Variants in TASP1 observed in about 807,000 individuals in gnomAD.
TASP1 encodes the protein threonine aspartase 1.
A neutral mutation model predicts 56.6 loss-of-function variants in TASP1; 16 were observed. The observed-to-expected ratio is 0.28, with a 90% confidence interval of 0.19 to 0.43. The LOEUF is 0.43. TASP1 is among the 20% of genes least tolerant of loss of function. TASP1 has a pLI of 1.00. For missense variants in TASP1, 393 were observed against 511.6 expected (o/e 0.77, Z 2.24); for synonymous variants, 179 against 184.2 (o/e 0.97, Z 0.23).
intron 8 of TASP1, among the ~76,000 whole-genome samples, chr20:13,536,076 T>A (rs2045407430): frequency 6.6e-6 from 1 of 152,210 alleles, no homozygotes; most frequent in African/African-American, 2.4e-5. Flanking sequence ...GGTAGAGAAG[T>A]GTTAGTTCCC....
the TASP1 span, among the ~76,000 whole-genome samples, chr20:13,104,997 C>A: frequency 6.6e-6 from 1 of 152,062 alleles, no homozygotes; most frequent in Non-Finnish European, 1.5e-5. Flanking sequence ...CCTTAATAAG[C>A]ATCATTATTT....
intron 13 of TASP1, among the ~76,000 whole-genome samples, chr20:13,410,289 A>T (rs1050728457): frequency 6.6e-6 from 1 of 152,230 alleles, no homozygotes; most frequent in Non-Finnish European, 1.5e-5. Context: ...TGAACATGCA[A>T]GTACAGCACA....
At chr20:13,366,322 A>G in the TASP1 span, among the ~76,000 whole-genome samples, 1 of 152,200 alleles carries the variant, frequency 6.6e-6, no homozygotes, top group Non-Finnish European at 1.5e-5. Context: ...TTCAGAGGTC[A>G]GGAAGAGAAC....
At chr20:13,343,813 A>G in the TASP1 span, among the ~76,000 whole-genome samples, 1 of 152,170 alleles carries the variant, frequency 6.6e-6, no homozygotes, top group Admixed American at 6.5e-5. Context: ...ATAGAAAGAA[A>G]GACATTAGGG....
At chr20:13,553,871 C>T (rs974216274) in intron 8 of TASP1, among the ~76,000 whole-genome samples, 2 of 152,148 alleles carry the variant, frequency 1.3e-5, no homozygotes, top group African/African-American at 4.8e-5. Flanking sequence ...GACAATGTGT[C>T]TATCCTCAAG....
chr20:13,117,559 A>T, the TASP1 span: 1 of 1,612,536 alleles, frequency 6.2e-7, no homozygotes, highest in Non-Finnish European at 8.5e-7. Flanking sequence ...AAGAAGAAAT[A>T]CAAGGCTTAC....
At chr20:13,273,107 T>C in the TASP1 span, among the ~76,000 whole-genome samples, 1 of 152,306 alleles carries the variant, frequency 6.6e-6, no homozygotes, top group African/African-American at 2.4e-5. Context: ...GGCTGCTTTG[T>C]GCTTGAACCC....
chr20:13,149,696 T>C, the TASP1 span, among the ~76,000 whole-genome samples: 1 of 152,232 alleles, frequency 6.6e-6, no homozygotes, highest in Non-Finnish European at 1.5e-5. Context: ...ATTTAGTTCT[T>C]AGGAGTCAGA....
At chr20:13,521,553 GT>G (rs2044755754) in intron 10 of TASP1, among the ~76,000 whole-genome samples, 1 of 148,320 alleles carries the variant, frequency 6.7e-6, no homozygotes, top group Non-Finnish European at 1.5e-5. Context: ...AACACCGCAT[GT>G]TCTCACTCAT....
At chr20:13,621,194 T>C (rs1019901397) in intron 4 of TASP1, among the ~76,000 whole-genome samples, 5 of 151,722 alleles carry the variant, frequency 3.3e-5, no homozygotes, top group African/African-American at 1.2e-4. Flanking sequence ...GAGGCCGAGG[T>C]GGGTGGATCA....
At chr20:13,546,597 T>C (rs1178149391) in intron 8 of TASP1, among the ~76,000 whole-genome samples, 9 of 152,180 alleles carry the variant, frequency 5.9e-5, no homozygotes, top group Non-Finnish European at 1.0e-4. Context: ...ATTCTTGTGA[T>C]GAGGGTCCAT....
chr20:13,619,859 G>A (rs6042255), intron 4 of TASP1, among the ~76,000 whole-genome samples: 52,234 of 151,966 alleles, frequency 0.34, 11,490 homozygotes, highest in African/African-American at 0.63. Context: ...GGAATGAATC[G>A]ATTTACCAAT....
the TASP1 span, among the ~76,000 whole-genome samples, chr20:13,205,907 A>G: frequency 1.3e-5 from 2 of 152,192 alleles, no homozygotes; most frequent in Non-Finnish European, 2.9e-5. Context: ...CAGTCCCCCA[A>G]GTTACACCCA....
intron 7 of TASP1, among the ~76,000 whole-genome samples, chr20:13,564,922 T>A (rs2046464863): frequency 6.6e-6 from 1 of 151,386 alleles, no homozygotes; most frequent in South Asian, 2.1e-4. Context: ...AGGAGAATTG[T>A]TTGAGCCCGG....
intron 4 of TASP1, among the ~76,000 whole-genome samples, chr20:13,621,483 C>A (rs572848466): frequency 1.3e-5 from 2 of 152,044 alleles, no homozygotes; most frequent in East Asian, 3.9e-4. Context: ...GTGGGATGTA[C>A]TAAAGTCACT....
the TASP1 span, among the ~76,000 whole-genome samples, chr20:13,218,265 A>C: frequency 6.6e-6 from 1 of 151,752 alleles, no homozygotes; most frequent in East Asian, 1.9e-4. Flanking sequence ...AAAAAGAATG[A>C]ATGAATGAAA....
At chr20:13,285,795 C>A in the TASP1 span, among the ~76,000 whole-genome samples, 1 of 152,142 alleles carries the variant, frequency 6.6e-6, no homozygotes, top group South Asian at 2.1e-4. Flanking sequence ...CAAGAAAGTG[C>A]CTCATGCAGG....
chr20:13,405,935 G>C (rs1374126246), intron 13 of TASP1, among the ~76,000 whole-genome samples: 1 of 152,146 alleles, frequency 6.6e-6, no homozygotes, highest in Non-Finnish European at 1.5e-5. Flanking sequence ...GGTGGACCCT[G>C]CTGCATCAAC....
At chr20:13,505,858 G>C (rs2044110130) in intron 10 of TASP1, among the ~76,000 whole-genome samples, 1 of 151,640 alleles carries the variant, frequency 6.6e-6, no homozygotes, top group Non-Finnish European at 1.5e-5. Context: ...ACTAGAAAAA[G>C]AAAAACATAC....
Sources: allele counts gnomAD v4.1 joint callset (sites outside exome capture counted in the v4.1 genomes callset), GRCh38; gene constraint gnomAD v4.1.1; transcripts MANE v1.5; gene names NCBI Gene and HGNC (gene_info 2026-07-23, HGNC 2026-07-21).